Variants in RMND5A observed in about 807,000 individuals in gnomAD.
RMND5A encodes E3 ubiquitin-protein transferase RMND5A.
In RMND5A, 17 loss-of-function variants were observed where a neutral mutation model predicts 49.7. The ratio of observed to expected loss-of-function variants is 0.34; its 90% CI spans 0.23 to 0.51. The LOEUF (loss-of-function observed/expected upper bound fraction) is 0.51, where lower values mean the gene tolerates loss of function less well. RMND5A is among the 20% of genes least tolerant of loss of function. RMND5A has a pLI of 0.96. For synonymous variants in RMND5A, 156 were observed against 167.7 expected (o/e 0.93, Z 0.54); for missense variants, 255 against 471.3 (o/e 0.54, Z 4.25).
intron 1 of RMND5A, among the ~76,000 whole-genome samples, chr2:86,740,678 TG>T (rs1225732189): frequency 6.7e-6 from 1 of 149,446 alleles, no homozygotes; most frequent in Non-Finnish European, 1.5e-5. Context: ...CAGCCTGTGC[TG>T]GTTGTTGTAA....
chr2:86,746,554 G>A (rs1026601350), intron 2 of RMND5A, among the ~76,000 whole-genome samples: 1 of 152,240 alleles, frequency 6.6e-6, no homozygotes, highest in African/African-American at 2.4e-5. Flanking sequence ...TAAGTAACCT[G>A]CCTGAAGTCA....
chr2:86,771,406 A>G (rs748901996), intron 7 of RMND5A, 152 bp from the exon 8 acceptor site: 12 of 571,524 alleles, frequency 2.1e-5, no homozygotes, highest in Non-Finnish European at 2.9e-5. Flanking sequence ...AATCACTAAG[A>G]CTGTCCATCT....
chr2:86,755,390 G>A (rs938143647), intron 4 of RMND5A, among the ~76,000 whole-genome samples: 3 of 152,230 alleles, frequency 2.0e-5, no homozygotes, highest in African/African-American at 7.2e-5. Flanking sequence ...CCGAAGTACT[G>A]GGATTATAGG....
chr2:86,761,739 C>T (rs144959858), intron 4 of RMND5A, among the ~76,000 whole-genome samples: 414 of 152,194 alleles, frequency 2.7e-3, no homozygotes, highest in Middle Eastern at 0.01. Flanking sequence ...TTGTGTTGTC[C>T]TCTCCTCCTC....
intron 4 of RMND5A, among the ~76,000 whole-genome samples, chr2:86,758,764 C>T (rs1051748806): frequency 3.3e-5 from 5 of 152,310 alleles, no homozygotes; most frequent in East Asian, 1.9e-4. Context: ...GAAAAATTAC[C>T]ATTTGAAAAT....
intron 2 of RMND5A, among the ~76,000 whole-genome samples, 190 bp from the exon 3 acceptor site, chr2:86,751,706 A>G (rs1668584803): frequency 1.3e-5 from 2 of 152,210 alleles, no homozygotes; most frequent in Admixed American, 1.3e-4. Context: ...ATCTAAAAAT[A>G]TACCTATTTA....
At chr2:86,770,226 C>A in intron 7 of RMND5A, 101 bp downstream of exon 7, 1 of 864,402 alleles carries the variant, frequency 1.2e-6, no homozygotes, top group East Asian at 2.5e-5. Context: ...ACATTGTAGC[C>A]ATTTGACAGG....
rs538531167 is a variant in RMND5A, at chr2:86,721,587, T to G, written c.142+778T>G. ...CGTTCAAAAAAAATAAATTTTCCTA[T>G]AGAAGGTGTTTCACCTAGATTGTTT... On this transcript the variant is annotated intron_variant, in intron 1 of 8. Coordinates refer to ENST00000283632, the MANE Select transcript of RMND5A (RefSeq NM_022780.4). Among the ~76,000 whole-genome samples, 4 of 151,890 alleles carry G rather than the reference T, an allele frequency of 2.6e-5. No individual in the cohort carries two copies. In the South Asian group the frequency reaches 8.3e-4, roughly 32 times the overall value.
In RMND5A at chr2:86,777,719, A is replaced by T; in HGVS notation, c.*4308A>T. 6.6e-6 allele frequency: 1 copy of T among 152,330 alleles called. No homozygotes were observed. Among genetic ancestry groups the T allele is most frequent in the East Asian group, 1.9e-4 (1 of 5,192 alleles). The allele number at this position is 152,330 out of a possible 1,614,324, so 9.4% of individuals were successfully genotyped here. A position where few individuals can be genotyped will look rare whatever the true frequency, so the allele number is the denominator to read the frequency against. ...AAAATTTTGATCAATTTTTTAAGAAATGTATCCTGTTTGCAAAGGCACAGT... is the reference window on the plus strand; with the variant it reads ...AAAATTTTGATCAATTTTTTAAGAATTGTATCCTGTTTGCAAAGGCACAGT... On this transcript the variant is annotated 3_prime_UTR_variant, in exon 9 of 9. Transcript: ENST00000283632.
Position 86,775,047 on chromosome 2 carries a change from G to A in RMND5A, c.*1636G>A, listed in dbSNP as rs62148510. On this transcript the variant is annotated 3_prime_UTR_variant, in exon 9 of 9. Transcript: ENST00000283632. ...CTCCGTGCTGTGCGGCTTCACCAGC[G>A]GTTGGGATTGGCCCAGCTTGGAGTG... The A allele has an allele frequency of 1.6e-3, 245 of 152,790 alleles. No homozygotes were observed. The highest frequency in any genetic ancestry group is 3.4e-3 in the Middle Eastern group (1 of 296). 9.5% of individuals were successfully genotyped at this position (152,790 alleles called of 1,614,324 possible).
chr2:86,759,003 G>A lies in RMND5A; in HGVS notation c.521+5445G>A, dbSNP rs180918671. Among the ~76,000 whole-genome samples the A allele has an allele frequency of 2.9e-3, 445 of 152,252 alleles. 2 individuals are homozygous for A. Among genetic ancestry groups the A allele is most frequent in the Non-Finnish European group, 5.2e-3 (353 of 68,020 alleles). ...TTACCCCCAAGAGTATAGCCTTAAA[G>A]GAAATTAGAAAAAGAGGTTTTTGTA... On this transcript the variant is annotated intron_variant, in intron 4 of 8. Transcript: ENST00000283632.
chr2:86,764,588 A>AGAACAAAAAC (rs1672559418), intron 4 of RMND5A, among the ~76,000 whole-genome samples: 1 of 152,252 alleles, frequency 6.6e-6, no homozygotes. Context: ...TTTAATCACA[A>AGAACAAAAAC]AGTGAACAAA....
At chr2:86,761,201 T>TGTCAA (rs1433644725) in intron 4 of RMND5A, among the ~76,000 whole-genome samples, 1 of 152,184 alleles carries the variant, frequency 6.6e-6, no homozygotes, top group African/African-American at 2.4e-5. Flanking sequence ...TGTACTCAGA[T>TGTCAA]GTCAAGGATT....
At chr2:86,767,166 C>T (rs1034253785) in intron 6 of RMND5A, among the ~76,000 whole-genome samples, 11 of 152,090 alleles carry the variant, frequency 7.2e-5, no homozygotes, top group Non-Finnish European at 1.2e-4. Context: ...TGGGTTCAAG[C>T]GATTCTCCTG....
chr2:86,758,236 G>C (rs923179036), intron 4 of RMND5A, among the ~76,000 whole-genome samples: 1 of 152,128 alleles, frequency 6.6e-6, no homozygotes, highest in African/African-American at 2.4e-5. Flanking sequence ...CTCCAAACAG[G>C]CAGCCACCAT....
chr2:86,764,705 C>T (rs1672561325), intron 4 of RMND5A, among the ~76,000 whole-genome samples: 1 of 152,158 alleles, frequency 6.6e-6, no homozygotes, highest in African/African-American at 2.4e-5. Context: ...TGGATCTAGG[C>T]AATTTAATTG....
At chr2:86,751,829 A>AT in intron 2 of RMND5A, 67 bp from the exon 3 acceptor site, 1 of 1,506,166 alleles carries the variant, frequency 6.6e-7, no homozygotes, top group South Asian at 1.3e-5. Context: ...AACAAAGACC[A>AT]TTTTTTTCCT....
intron 7 of RMND5A, 22 bp from the exon 8 acceptor site, chr2:86,771,536 C>T (rs541228865): frequency 8.1e-5 from 116 of 1,425,590 alleles, no homozygotes; most frequent in Non-Finnish European, 1.0e-4. Flanking sequence ...AGCTTTTTTA[C>T]TTTTTTTTTT....
chr2:86,761,265 A>AG (rs1217374632), intron 4 of RMND5A, among the ~76,000 whole-genome samples: 1 of 152,188 alleles, frequency 6.6e-6, no homozygotes, highest in African/African-American at 2.4e-5. Flanking sequence ...TTGATACCAG[A>AG]GCTTAGCAAG....
Sources: gnomAD v4.1 joint callset for allele counts (sites outside exome capture counted in the v4.1 genomes callset) on GRCh38, gnomAD v4.1.1 for gene constraint, MANE v1.5 for transcripts, NCBI Gene and HGNC (gene_info 2026-07-23, HGNC 2026-07-21) for gene names.